PDZRN4: variants seen among roughly 807,000 people sequenced by gnomAD.
PDZRN4 encodes PDZ domain-containing RING finger protein 4.
A neutral mutation model predicts 99.0 loss-of-function variants in PDZRN4; 70 were observed. The observed-to-expected ratio is 0.71, with a 90% CI of 0.58 to 0.86. PDZRN4 has a LOEUF of 0.86. Ranked by LOEUF, PDZRN4 falls within the 40% of genes least tolerant of loss-of-function variation. The pLI is 0.00. For missense variants in PDZRN4, 1,474 were observed against 1,331.2 expected (o/e 1.11, Z -1.67); for synonymous variants, 551 against 501.6 (o/e 1.10, Z -1.32).
intron 3 of PDZRN4, among the ~76,000 whole-genome samples, chr12:41,471,724 TATA>T (rs1448234025): frequency 8.4e-6 from 1 of 118,808 alleles, no homozygotes. Context: ...TAATAATCAT[TATA>T]ATAATTATTA....
At chr12:41,438,082 A>G in intron 3 of PDZRN4, 1 of 1,536,120 alleles carries the variant, frequency 6.5e-7, no homozygotes, top group South Asian at 1.1e-5. Context: ...CGGTAAATGA[A>G]TTCTGGCTAG....
intron 3 of PDZRN4, among the ~76,000 whole-genome samples, chr12:41,339,020 A>G (rs1343458854): frequency 4.6e-5 from 7 of 152,008 alleles, no homozygotes; most frequent in Non-Finnish European, 4.4e-5. Context: ...TACAGATTCA[A>G]TATCTCTGTC....
At chr12:41,277,082 C>A (rs1951354244) in intron 3 of PDZRN4, among the ~76,000 whole-genome samples, 1 of 152,110 alleles carries the variant, frequency 6.6e-6, no homozygotes, top group Admixed American at 6.6e-5. Flanking sequence ...TCACTTCTAG[C>A]AACAAATTGA....
rs181392238 is a variant in PDZRN4, at chr12:41,405,805, G to C, written c.844-100651G>C. On this transcript the variant is annotated intron_variant, in intron 3 of 9. Transcript: ENST00000402685. ...AAATCATGTCCTTCACAGCAACATG[G>C]GTAGAGCTGGAGGCCATAGTCCTTA... 6.6e-4 allele frequency among the ~76,000 whole-genome samples: 100 copies of C among 152,216 alleles called. 1 individual carries two copies. Among genetic ancestry groups the C allele is most frequent in the African/African-American group, 1.9e-3 (77 of 41,516 alleles).
chr12:41,197,422 A>C (rs75952243), intron 3 of PDZRN4, among the ~76,000 whole-genome samples: 4,382 of 152,286 alleles, frequency 0.029, 164 homozygotes, highest in East Asian at 0.16. Context: ...CATATTTTTC[A>C]CATAATATAA....
intron 3 of PDZRN4, among the ~76,000 whole-genome samples, chr12:41,398,030 T>C (rs1361419150): frequency 6.6e-6 from 1 of 152,178 alleles, no homozygotes; most frequent in Non-Finnish European, 1.5e-5. Context: ...TTAACCTGTT[T>C]GGATCTCTGA....
rs549067803 is a variant in PDZRN4, at chr12:41,285,406, G to C, written c.843+91218G>C. Among the ~76,000 whole-genome samples, 21 of 152,246 alleles carry C rather than the reference G, an allele frequency of 1.4e-4. No individual in the cohort carries two copies. In the South Asian group the frequency reaches 1.7e-3, roughly 12 times the overall value. On this transcript the variant is annotated intron_variant, in intron 3 of 9. Coordinates refer to ENST00000402685, the MANE Select transcript of PDZRN4 (RefSeq NM_001164595.2). Reference sequence around the variant, plus strand: ...ATAGGAACACTTTTACACTGTTGACGAGAGTGTAAATTAGTTCAACCATTT... The same window carrying C: ...ATAGGAACACTTTTACACTGTTGACCAGAGTGTAAATTAGTTCAACCATTT...
chr12:41,521,481 A>G (rs1178417413), intron 5 of PDZRN4, among the ~76,000 whole-genome samples: 2 of 152,110 alleles, frequency 1.3e-5, no homozygotes, highest in Non-Finnish European at 2.9e-5. Flanking sequence ...TAGAGATAGA[A>G]ATTTGAAATA....
At chr12:41,400,357 TC>T (rs1042151277) in intron 3 of PDZRN4, among the ~76,000 whole-genome samples, 1 of 152,174 alleles carries the variant, frequency 6.6e-6, no homozygotes, top group Non-Finnish European at 1.5e-5. Context: ...ATAATTGGGC[TC>T]CATGTGAAAT....
intron 3 of PDZRN4, among the ~76,000 whole-genome samples, chr12:41,300,832 A>T (rs1222612705): frequency 6.6e-6 from 1 of 151,974 alleles, no homozygotes; most frequent in Non-Finnish European, 1.5e-5. Context: ...TTTTATGGAA[A>T]GCTTCAGGGA....
intron 3 of PDZRN4, among the ~76,000 whole-genome samples, chr12:41,335,965 A>T (rs528947149): frequency 1.4e-4 from 22 of 152,284 alleles, no homozygotes; most frequent in South Asian, 8.3e-4. Context: ...GGTGCACAGA[A>T]CAACTCCTTT....
chr12:41,386,042 T>C (rs1952168467), intron 3 of PDZRN4, among the ~76,000 whole-genome samples: 1 of 152,168 alleles, frequency 6.6e-6, no homozygotes, highest in Non-Finnish European at 1.5e-5. Context: ...ATTCCTCACA[T>C]AAACAGAACT....
At chr12:41,225,176 A>G (rs1276760704) in intron 3 of PDZRN4, among the ~76,000 whole-genome samples, 1 of 152,130 alleles carries the variant, frequency 6.6e-6, no homozygotes, top group Non-Finnish European at 1.5e-5. Context: ...TAATTATTGG[A>G]CTTACGTTAT....
At chr12:41,318,839 T>C (rs1951656084) in intron 3 of PDZRN4, among the ~76,000 whole-genome samples, 2 of 152,124 alleles carry the variant, frequency 1.3e-5, no homozygotes, top group Non-Finnish European at 2.9e-5. Context: ...TGATGATGGA[T>C]AGATTATTAC....
At chr12:41,380,191 AAT>A (rs1418993766) in intron 3 of PDZRN4, among the ~76,000 whole-genome samples, 1 of 151,956 alleles carries the variant, frequency 6.6e-6, no homozygotes, top group African/African-American at 2.4e-5. Flanking sequence ...CATTGCATGG[AAT>A]ATCTTTTTTT....
chr12:41,330,382 T>G (rs927725232), intron 3 of PDZRN4, among the ~76,000 whole-genome samples: 3 of 151,986 alleles, frequency 2.0e-5, no homozygotes, highest in Non-Finnish European at 4.4e-5. Flanking sequence ...GACACAAGTC[T>G]TGAGCAATCA....
At chr12:41,268,711 G>C (rs1951295568) in intron 3 of PDZRN4, among the ~76,000 whole-genome samples, 1 of 151,988 alleles carries the variant, frequency 6.6e-6, no homozygotes, top group African/African-American at 2.4e-5. Context: ...CCAACATAAA[G>C]AATTTTAGAG....
At chr12:41,233,980 G>A (rs1212672287) in intron 3 of PDZRN4, among the ~76,000 whole-genome samples, 1 of 151,714 alleles carries the variant, frequency 6.6e-6, no homozygotes, top group South Asian at 2.1e-4. Flanking sequence ...TCTGTTTCCA[G>A]ATGTAGCAGA....
At chr12:41,273,840 C>A (rs1951332353) in intron 3 of PDZRN4, among the ~76,000 whole-genome samples, 1 of 152,026 alleles carries the variant, frequency 6.6e-6, no homozygotes, top group Admixed American at 6.6e-5. Context: ...ATTAAATTTA[C>A]CTTCATGGCA....
Sources: allele counts gnomAD v4.1 joint callset (sites outside exome capture counted in the v4.1 genomes callset), GRCh38; gene constraint gnomAD v4.1.1; transcripts MANE v1.5; gene names NCBI Gene and HGNC (gene_info 2026-07-23, HGNC 2026-07-21).